CACNA1C: variants seen among roughly 807,000 people sequenced by gnomAD.
The protein encoded by CACNA1C is voltage-dependent L-type calcium channel subunit alpha-1C.
In CACNA1C, 30 loss-of-function variants were observed where a neutral mutation model predicts 229.0. The ratio of observed to expected loss-of-function variants is 0.13; its 90% CI spans 0.10 to 0.18. CACNA1C has a LOEUF of 0.18. Among genes scored for constraint, CACNA1C ranks in the 10% least tolerant of loss-of-function variants. The probability of loss-of-function intolerance (pLI) is 1.00; values close to 1 mark genes in which losing one functional copy is unlikely to be tolerated. For synonymous variants in CACNA1C, 1,114 were observed against 1,132.5 expected (o/e 0.98, Z 0.33); for missense variants, 1,658 against 2,845.0 (o/e 0.58, Z 9.49).
chr12:2,229,526 A>G (rs1392572394), intron 3 of CACNA1C, among the ~76,000 whole-genome samples: 5 of 152,200 alleles, frequency 3.3e-5, no homozygotes, highest in Non-Finnish European at 7.3e-5. Flanking sequence ...GACAATGAAT[A>G]AAATAAGTTA....
chr12:1,990,106 G>A (rs760474966), intron 1 of CACNA1C, among the ~76,000 whole-genome samples: 3 of 152,200 alleles, frequency 2.0e-5, no homozygotes, highest in Non-Finnish European at 4.4e-5. Flanking sequence ...CTTGGTTCAA[G>A]TGGTGTTTCC....
In CACNA1C at chr12:2,312,507, C is replaced by T. The variant is rs117731709; in HGVS notation, c.478-136469C>T. Among the ~76,000 whole-genome samples the T allele has an allele frequency of 6.1e-4, 93 of 152,282 alleles. No homozygotes were observed. The East Asian group carries it at 0.017, about 27-fold the overall frequency. On this transcript the variant is annotated intron_variant, in intron 3 of 46. Coordinates refer to ENST00000399655, the MANE Select transcript of CACNA1C (RefSeq NM_000719.7). ...CCAATTCCATTCCAACAGCATTATA[C>T]GACTTTGAAAATACTCTTTGTGTCC...
At chr12:2,495,497 C>T (rs2154572221) in intron 7 of CACNA1C, among the ~76,000 whole-genome samples, 1 of 152,316 alleles carries the variant, frequency 6.6e-6, no homozygotes, top group South Asian at 2.1e-4. Context: ...TTGTGTTCTT[C>T]CTTCACCACT....
At chr12:2,501,275 T>A (rs555780642) in intron 7 of CACNA1C, among the ~76,000 whole-genome samples, 2 of 148,610 alleles carry the variant, frequency 1.3e-5, no homozygotes, top group African/African-American at 5.0e-5. Flanking sequence ...AGGGACTGCT[T>A]CTGACCCTCC....
chr12:2,146,127 GTTA>G (rs2094679798), intron 3 of CACNA1C, among the ~76,000 whole-genome samples: 1 of 151,188 alleles, frequency 6.6e-6, no homozygotes, highest in African/African-American at 2.4e-5. Flanking sequence ...GAAGAGAGGG[GTTA>G]TTATCACCCC....
intron 3 of CACNA1C, among the ~76,000 whole-genome samples, chr12:2,379,051 A>G (rs1375039751): frequency 2.6e-5 from 4 of 152,224 alleles, no homozygotes; most frequent in South Asian, 2.1e-4. Flanking sequence ...TTACTCATAA[A>G]TGTCACAGAA....
chr12:2,667,703 G>C (rs187323669), intron 37 of CACNA1C, among the ~76,000 whole-genome samples: 1 of 152,190 alleles, frequency 6.6e-6, no homozygotes, highest in Admixed American at 6.5e-5. Context: ...CTCCGGACGG[G>C]CCTGGGCAGG....
chr12:2,668,524 T>C (rs956853838), intron 37 of CACNA1C: 5 of 177,052 alleles, frequency 2.8e-5, no homozygotes, highest in African/African-American at 7.1e-5. Flanking sequence ...ACAGGTTTAA[T>C]TGGCCCACAG....
chr12:2,040,096 C>A (rs2049820579), intron 1 of CACNA1C, among the ~76,000 whole-genome samples: 1 of 152,048 alleles, frequency 6.6e-6, no homozygotes, highest in African/African-American at 2.4e-5. Context: ...TGTGGCACAC[C>A]CATGACTTCA....
At chr12:2,159,556 G>T (rs2095733035) in intron 3 of CACNA1C, among the ~76,000 whole-genome samples, 1 of 151,418 alleles carries the variant, frequency 6.6e-6, no homozygotes, top group East Asian at 1.9e-4. Flanking sequence ...CTAGAAAAAT[G>T]AATAGCTGAT....
At chr12:2,125,535 C>T (rs1452511893) in intron 3 of CACNA1C, among the ~76,000 whole-genome samples, 1 of 152,162 alleles carries the variant, frequency 6.6e-6, no homozygotes, top group Non-Finnish European at 1.5e-5. Flanking sequence ...GAGCCCTACT[C>T]TGAGAAACAG....
At chr12:2,398,690 C>T (rs1239032113) in intron 3 of CACNA1C, among the ~76,000 whole-genome samples, 1 of 152,158 alleles carries the variant, frequency 6.6e-6, no homozygotes, top group Non-Finnish European at 1.5e-5. Flanking sequence ...CCCAAAGCTG[C>T]AGAAAGAGAG....
At chr12:2,472,786 T>C (rs1171128398) in intron 5 of CACNA1C, among the ~76,000 whole-genome samples, 2 of 152,246 alleles carry the variant, frequency 1.3e-5, no homozygotes, top group African/African-American at 4.8e-5. Context: ...GAATCATGGA[T>C]AATATGTTGT....
chr12:2,062,366 C>A (rs922297411), intron 1 of CACNA1C, among the ~76,000 whole-genome samples: 1 of 152,214 alleles, frequency 6.6e-6, no homozygotes, highest in African/African-American at 2.4e-5. Flanking sequence ...AAGTCTTAAG[C>A]AATGTGGCCA....
At position 2,646,123 on chromosome 12, in the gene CACNA1C, A is replaced by C. The variant is rs1395254783; in HGVS notation, c.3913-2352A>C. Among the ~76,000 whole-genome samples the C allele has an allele frequency of 2.0e-5, 3 of 152,254 alleles. No homozygotes were observed. The highest frequency in any genetic ancestry group is 7.2e-5 in the African/African-American group (3 of 41,466). On this transcript the variant is annotated intron_variant, in intron 30 of 46. Coordinates refer to ENST00000399655, the MANE Select transcript of CACNA1C (RefSeq NM_000719.7). This position sits in a 1 kb window ranked among gnomAD's most constrained non-coding sequence, Gnocchi z 4.6. The stretch of plus-strand genomic sequence containing the variant: ...GATTATCTGAACAGATCCAAAGTCA[A>C]GTCTTGAAGTGAAATATGACTTAAA...
At chr12:2,466,945 A>G (rs1032644969) in intron 5 of CACNA1C, among the ~76,000 whole-genome samples, 9 of 151,298 alleles carry the variant, frequency 5.9e-5, no homozygotes, top group African/African-American at 2.2e-4. Flanking sequence ...CTCACTTTCT[A>G]TTTTGCTTCC....
At chr12:2,190,191 A>G (rs1319673600) in intron 3 of CACNA1C, among the ~76,000 whole-genome samples, 1 of 152,214 alleles carries the variant, frequency 6.6e-6, no homozygotes. Flanking sequence ...CCTAATTAGC[A>G]ATGTTGTACT....
chr12:2,296,742 G>A (rs186170955), intron 3 of CACNA1C, among the ~76,000 whole-genome samples: 7 of 152,202 alleles, frequency 4.6e-5, no homozygotes, highest in South Asian at 2.1e-4. Flanking sequence ...AAATTCCCCC[G>A]TTGGTCTGTG....
Position 2,322,414 on chromosome 12 carries a change from C to T in CACNA1C, c.478-126562C>T, listed in dbSNP as rs560203875. Among the ~76,000 whole-genome samples, 5 of 152,312 alleles carry T rather than the reference C, an allele frequency of 3.3e-5. No homozygotes were observed. In the South Asian group the frequency reaches 8.3e-4, roughly 25 times the overall value. ...ACTACGCATTGTATATTCCTGCCAC[C>T]GTGGGAGACTCCCAATGGCCACCAG... On this transcript the variant is annotated intron_variant, in intron 3 of 46. Transcript: ENST00000399655.
Sources: allele counts gnomAD v4.1 joint callset (sites outside exome capture counted in the v4.1 genomes callset), GRCh38; gene constraint gnomAD v4.1.1; non-coding constraint Gnocchi (gnomAD v3.1); transcripts MANE v1.5; gene names NCBI Gene and HGNC (gene_info 2026-07-23, HGNC 2026-07-21).